The following QKI variants were observed in gnomAD, a reference collection of about 807,000 sequenced individuals.
The protein encoded by QKI is KH domain-containing RNA-binding protein QKI.
Under a neutral mutation model 39.0 loss-of-function variants are expected in QKI, and 10 were observed. The observed-to-expected ratio is 0.26, with a 90% CI of 0.16 to 0.43. The LOEUF (loss-of-function observed/expected upper bound fraction) is 0.43, where lower values mean the gene tolerates loss of function less well. QKI is among the 20% of genes least tolerant of loss of function. The pLI is 1.00. For missense variants in QKI, 218 were observed against 428.0 expected, an observed-to-expected ratio of 0.51 and a Z score of 4.33; for synonymous variants, 204 against 155.4, an observed-to-expected ratio of 1.31 and a Z score of -2.33.
At chr6:163,565,532 G>A (rs1783310238) in intron 6 of QKI, 1 of 990,000 alleles carries the variant, frequency 1.0e-6, no homozygotes, top group African/African-American at 1.7e-5. Context: ...AAAGCTTCAT[G>A]TCTTTTGTTT....
chr6:163,532,829 C>T (rs1267043447), intron 3 of QKI, among the ~76,000 whole-genome samples: 1 of 152,196 alleles, frequency 6.6e-6, no homozygotes, highest in Non-Finnish European at 1.5e-5. Context: ...TTTCCCTGGA[C>T]TCTTGCTTAG....
At chr6:163,539,408 T>G (rs1008225499) in intron 4 of QKI, among the ~76,000 whole-genome samples, 3 of 152,190 alleles carry the variant, frequency 2.0e-5, no homozygotes, top group Non-Finnish European at 4.4e-5. Context: ...TTTTCCCTCT[T>G]CAAGATTTTA....
At chr6:163,474,827 A>C (rs892574436) in intron 2 of QKI, among the ~76,000 whole-genome samples, 5 of 147,166 alleles carry the variant, frequency 3.4e-5, no homozygotes, top group African/African-American at 1.2e-4. Flanking sequence ...GGTGAGGCTG[A>C]GGTGGGAGGA....
intron 4 of QKI, among the ~76,000 whole-genome samples, chr6:163,559,336 G>C (rs1364057295): frequency 6.6e-6 from 1 of 151,776 alleles, no homozygotes; most frequent in Admixed American, 6.6e-5. Context: ...TTTTTATGTA[G>C]AGTATAATTT....
chr6:163,516,266 G>A (rs142527425), intron 3 of QKI, among the ~76,000 whole-genome samples: 2 of 151,930 alleles, frequency 1.3e-5, no homozygotes, highest in Non-Finnish European at 2.9e-5. Context: ...GCCTTTTTTG[G>A]GAAAAATGTA....
At chr6:163,459,110 A>G (rs1030081389) in intron 2 of QKI, among the ~76,000 whole-genome samples, 1 of 152,184 alleles carries the variant, frequency 6.6e-6, no homozygotes, top group Non-Finnish European at 1.5e-5. Context: ...ATTGAGGCTA[A>G]CTGGGTGGGT....
intron 3 of QKI, among the ~76,000 whole-genome samples, chr6:163,518,615 T>G (rs1779970771): frequency 6.6e-6 from 1 of 152,162 alleles, no homozygotes; most frequent in Admixed American, 6.5e-5. Flanking sequence ...AAGGCTTTAT[T>G]TTGGCTGTTG....
At chr6:163,504,223 G>A (rs1031839807) in intron 3 of QKI, among the ~76,000 whole-genome samples, 14 of 152,064 alleles carry the variant, frequency 9.2e-5, no homozygotes, top group Non-Finnish European at 1.9e-4. Context: ...CTTTATGTCT[G>A]TTTTTATACC....
At chr6:163,534,778 C>G (rs1781090734) in intron 3 of QKI, among the ~76,000 whole-genome samples, 1 of 152,156 alleles carries the variant, frequency 6.6e-6, no homozygotes. Flanking sequence ...TCAGTAAATA[C>G]TTGTTGGATT....
intron 1 of QKI, among the ~76,000 whole-genome samples, chr6:163,416,875 C>G (rs1226603136): frequency 6.7e-6 from 1 of 149,122 alleles, no homozygotes; most frequent in South Asian, 2.1e-4. Flanking sequence ...TTTGTGTTGG[C>G]ATTTGAAAGA....
intron 3 of QKI, among the ~76,000 whole-genome samples, chr6:163,480,209 T>G (rs1744933): frequency 0.69 from 105,351 of 152,000 alleles, 37,555 homozygotes; most frequent in East Asian, 1. Context: ...TGGCCAAAGA[T>G]TAAAAGTGTT....
intron 1 of QKI, among the ~76,000 whole-genome samples, chr6:163,450,595 G>A (rs980274319): frequency 4.6e-5 from 7 of 152,126 alleles, no homozygotes; most frequent in Non-Finnish European, 7.4e-5. Flanking sequence ...CAGTGACATC[G>A]GAGCAGAATT....
intron 3 of QKI, among the ~76,000 whole-genome samples, chr6:163,508,932 A>G (rs986861685): frequency 1.4e-5 from 2 of 142,688 alleles, no homozygotes; most frequent in Admixed American, 7.1e-5. Flanking sequence ...TGAGGTCAGG[A>G]GTTCGAGACC....
At chr6:163,471,481 A>T (rs1338938783) in intron 2 of QKI, among the ~76,000 whole-genome samples, 3 of 152,170 alleles carry the variant, frequency 2.0e-5, no homozygotes, top group Non-Finnish European at 4.4e-5. Context: ...TTTAAAAGAT[A>T]CAGAATTTGA....
At chr6:163,564,826 T>C (rs1390327401) in intron 6 of QKI, 4 of 1,578,218 alleles carry the variant, frequency 2.5e-6, no homozygotes, top group Non-Finnish European at 3.4e-6. Context: ...ATACTTTTTT[T>C]CCTGAATTGT....
intron 3 of QKI, among the ~76,000 whole-genome samples, chr6:163,514,644 T>C (rs1054974844): frequency 2.0e-5 from 3 of 152,140 alleles, no homozygotes; most frequent in Non-Finnish European, 4.4e-5. Flanking sequence ...TATGTATGTG[T>C]GTATTGTGGA....
intron 4 of QKI, among the ~76,000 whole-genome samples, chr6:163,537,519 C>T (rs894341120): frequency 6.6e-6 from 1 of 152,106 alleles, no homozygotes; most frequent in Non-Finnish European, 1.5e-5. Flanking sequence ...TTGAAATGTA[C>T]CTTTAATAGT....
chr6:163,535,259 C>A, intron 4 of QKI, 134 bp downstream of exon 4: 1 of 845,234 alleles, frequency 1.2e-6, no homozygotes, highest in Non-Finnish European at 1.7e-6. Context: ...TTAAAAACAC[C>A]TGACTGATAC....
At chr6:163,437,603 T>C (rs982098292) in intron 1 of QKI, among the ~76,000 whole-genome samples, 1 of 152,230 alleles carries the variant, frequency 6.6e-6, no homozygotes, top group African/African-American at 2.4e-5. Context: ...TTTAGAATCA[T>C]GTGTTGAACA....
Sources: allele counts gnomAD v4.1 joint callset (sites outside exome capture counted in the v4.1 genomes callset), GRCh38; gene constraint gnomAD v4.1.1; transcripts MANE v1.5; gene names NCBI Gene and HGNC (gene_info 2026-07-23, HGNC 2026-07-21).